Variants in DMBT1 observed in about 807,000 individuals in gnomAD.
DMBT1 encodes the protein scavenger receptor cysteine-rich domain-containing protein DMBT1.
Under a neutral mutation model 252.9 loss-of-function variants are expected in DMBT1, and 198 were observed. The observed-to-expected ratio is 0.78, with a 90% CI of 0.70 to 0.88. The LOEUF (loss-of-function observed/expected upper bound fraction) is 0.88, where lower values mean the gene tolerates loss of function less well. Ranked by LOEUF, DMBT1 falls within the 40% of genes least tolerant of loss-of-function variation. DMBT1 has a pLI of 0.00. For missense variants in DMBT1, 2,432 were observed against 2,404.7 expected, an observed-to-expected ratio of 1.01 and a Z score of -0.24; for synonymous variants, 990 against 942.7, an observed-to-expected ratio of 1.05 and a Z score of -0.92.
In DMBT1 at chr10:122,560,818, A is replaced by G; in HGVS notation, c.48A>G (p.Gln16=). ...VILEMCLLWG[Q]VLSTGGWIPR... is the part of the protein sequence containing the mutation. ...TTGAAATGTGTCTTTTATGGGGACA[A>G]GTTCTATCTACAGGTATTACGTTTA... Residue 16 remains glutamine (Q), a synonymous_variant, in exon 1 of 56, where the codon CAA becomes CAG. Transcript: ENST00000338354. The G allele has an allele frequency of 6.4e-7, 1 of 1,570,742 alleles. No individual in the cohort carries two copies. Among genetic ancestry groups the G allele is most frequent in the Non-Finnish European group, 8.7e-7 (1 of 1,155,860 alleles).
rs998074839 is a variant in DMBT1, at chr10:122,578,578, G to A, written c.638-140G>A. ...ATGAGTTCCCTGGGCAGGAGACCTG[G>A]GCAGACACATGGGGAGCAAGTGGCC... On this transcript the variant is annotated intron_variant, in intron 8 of 55. Coordinates refer to ENST00000338354, the MANE Select transcript of DMBT1 (RefSeq NM_001377530.1). 3 of 717,742 alleles carry A rather than the reference G, an allele frequency of 4.2e-6. No homozygotes were observed. The African/African-American group carries it at 5.2e-5, about 13-fold the overall frequency. The allele number at this position is 717,742 out of a possible 1,614,324, so 44.5% of individuals were successfully genotyped here.
At chr10:122,565,375 T>C (rs1469514639) in intron 1 of DMBT1, among the ~76,000 whole-genome samples, 3 of 152,158 alleles carry the variant, frequency 2.0e-5, no homozygotes, top group Non-Finnish European at 4.4e-5. Flanking sequence ...TATATAAAAG[T>C]TGTTAAATAT....
At chr10:122,564,867 A>T (rs899052629) in intron 1 of DMBT1, among the ~76,000 whole-genome samples, 2 of 152,182 alleles carry the variant, frequency 1.3e-5, no homozygotes, top group Admixed American at 6.5e-5. Context: ...CTGGAGTGCT[A>T]TATCTTGTCT....
At chr10:122,567,910 A>C (rs901841547) in intron 2 of DMBT1, among the ~76,000 whole-genome samples, 1 of 152,224 alleles carries the variant, frequency 6.6e-6, no homozygotes, top group African/African-American at 2.4e-5. Context: ...TGTACTTTCT[A>C]AAGATAAAAC....
intron 16 of DMBT1, among the ~76,000 whole-genome samples, chr10:122,587,267 C>T (rs2133572841): frequency 6.7e-6 from 1 of 148,420 alleles, no homozygotes; most frequent in South Asian, 2.3e-4. Context: ...ACCAAGGGCT[C>T]ATGCTGGGAA....
In DMBT1 at chr10:122,591,476, C is replaced by T. The variant is rs2097848541; in HGVS notation, c.2138-3C>T. The T allele has an allele frequency of 1.9e-6, 3 of 1,586,910 alleles. 1 individual carries two copies. Among genetic ancestry groups the T allele is most frequent in the Non-Finnish European group, 2.6e-6 (3 of 1,164,650 alleles). On this transcript the variant is annotated splice_polypyrimidine_tract_variant and splice_region_variant and intron_variant, in intron 18 of 55. Coordinates refer to ENST00000338354, the MANE Select transcript of DMBT1 (RefSeq NM_001377530.1). ...TAGCCTTTGTCTTTGTTGCAATTTA[C>T]AGACACGTTGTCGACCATCACGTTA...
At chr10:122,577,954 C>G (rs2097727631) in intron 8 of DMBT1, 114 bp downstream of exon 8, 1 of 1,178,800 alleles carries the variant, frequency 8.5e-7, no homozygotes. Flanking sequence ...CATATTATTT[C>G]ACCCCCAACT....
chr10:122,634,065 G>A (rs982403091), intron 52 of DMBT1, among the ~76,000 whole-genome samples: 11 of 152,188 alleles, frequency 7.2e-5, no homozygotes, highest in Admixed American at 6.5e-4. Context: ...AGAGCCCTGG[G>A]AGTTGAAGGT....
At chr10:122,619,148 G>A (rs1401585674) in intron 41 of DMBT1, among the ~76,000 whole-genome samples, 160 bp from the exon 42 acceptor site, 1 of 152,196 alleles carries the variant, frequency 6.6e-6, no homozygotes, top group African/African-American at 2.4e-5. Flanking sequence ...CCCTTATATG[G>A]TGCATCTCTG....
chr10:122,599,044 G>A lies in DMBT1; in HGVS notation c.3227G>A (p.Gly1076Asp). The A allele has an allele frequency of 6.2e-7, 1 of 1,613,814 alleles. No homozygotes were observed. Among genetic ancestry groups the A allele is most frequent in the South Asian group, 1.1e-5 (1 of 91,074 alleles). The change falls in exon 26 of 56, where the codon GGC becomes GAC. Residue 1076 changes from glycine (G) to aspartate (D), a missense_variant. Gly to Asp is a moderately conservative substitution (Grantham distance 94, BLOSUM62 -1). Coordinates refer to ENST00000338354, the MANE Select transcript of DMBT1 (RefSeq NM_001377530.1). ...ESYLWSCPHN[G>D]WLSHNCGHSE... ...TACCTGTGGAGCTGCCCCCACAATG[G>A]CTGGCTCTCCCACAACTGTGGCCAT...
chr10:122,597,955 G>C lies in DMBT1; in HGVS notation c.2918-19G>C, dbSNP rs376492363. 5.6e-6 allele frequency: 9 copies of C among 1,613,698 alleles called. No homozygotes were observed. Among genetic ancestry groups the C allele is most frequent in the Non-Finnish European group, 7.6e-6 (9 of 1,179,804 alleles). ...ACCATCAACTTTAATTCTAGCCTTT[G>C]TCTCTGTTGCAATTACAGACACATT... is the stretch of plus-strand genomic sequence containing the variant. On this transcript the variant is annotated intron_variant, in intron 24 of 55. Transcript: ENST00000338354.
At chr10:122,563,535 C>T (rs1031704019) in intron 1 of DMBT1, among the ~76,000 whole-genome samples, 1 of 149,730 alleles carries the variant, frequency 6.7e-6, no homozygotes, top group Non-Finnish European at 1.5e-5. Context: ...TGCCGTGAGC[C>T]GAGATTGTGC....
At position 122,631,192 on chromosome 10, in the gene DMBT1, G is replaced by T. The variant is rs747800707; in HGVS notation, c.6257G>T (p.Gly2086Val). 6.2e-7 allele frequency: 1 copy of T among 1,613,978 alleles called. No individual in the cohort carries two copies. The highest frequency in any genetic ancestry group is 2.2e-5 in the East Asian group (1 of 44,858). Residue 2086 changes from glycine to valine, a missense_variant, in exon 49 of 56, where the codon GGG becomes GTG. This residue lies in a region of DMBT1 where 1,162 missense variants were observed against 1,169.0 expected (regional missense o/e 0.99). Coordinates refer to ENST00000338354, the MANE Select transcript of DMBT1 (RefSeq NM_001377530.1). ...ACCCTGGACGATGTAGAGTGCTCAG[G>T]GACGGAATCCACTCTCTGGCAGTGC... ...PITLDDVECS[G>V]TESTLWQCRN...
At position 122,576,734 on chromosome 10, in the gene DMBT1, G is replaced by C. The variant is rs751470432; in HGVS notation, c.607+12G>C. On this transcript the variant is annotated intron_variant, in intron 7 of 55. Transcript: ENST00000338354. Reference sequence around the variant, plus strand: ...TGTTATCTGCTCAGGTAGGCATCCAGATCTCTGGAGGGTTGGGTGTGGTGG... The same window carrying C: ...TGTTATCTGCTCAGGTAGGCATCCACATCTCTGGAGGGTTGGGTGTGGTGG... 9 of 1,613,656 alleles carry C rather than the reference G, an allele frequency of 5.6e-6. No individual in the cohort carries two copies. Among genetic ancestry groups the C allele is most frequent in the Admixed American group, 1.7e-5 (1 of 60,006 alleles).
Position 122,631,067 on chromosome 10 carries a change from G to C in DMBT1, c.6132G>C (p.Trp2044Cys). The C allele has an allele frequency of 6.2e-7, 1 of 1,613,942 alleles. No individual in the cohort carries two copies. The highest frequency in any genetic ancestry group is 8.5e-7 in the Non-Finnish European group (1 of 1,179,886). Residue 2044 changes from tryptophan to cysteine, a missense_variant, in exon 49 of 56, where the codon TGG (tryptophan) becomes TGC (cysteine). By Grantham distance (215) the Trp-to-Cys change is radical. Coordinates refer to ENST00000338354, the MANE Select transcript of DMBT1 (RefSeq NM_001377530.1). The part of the protein sequence containing the change: ...GTWGTVCDDS[W>C]TIQEAEVVCR... ...GGGGGACAGTTTGTGATGACTCCTGGACCATTCAGGAAGCTGAGGTGGTCT... is the reference window on the plus strand; with the variant it reads ...GGGGGACAGTTTGTGATGACTCCTGCACCATTCAGGAAGCTGAGGTGGTCT...
Position 122,586,284 on chromosome 10 carries a change from C to G in DMBT1, c.1684C>G (p.Arg562Gly), listed in dbSNP as rs370276232. 3 of 1,588,624 alleles carry G rather than the reference C, an allele frequency of 1.9e-6. No individual in the cohort carries two copies. The highest frequency in any genetic ancestry group is 2.6e-6 in the Non-Finnish European group (3 of 1,165,836). Residue 562 changes from arginine (R) to glycine (G), a missense_variant, in exon 16 of 56, where the codon CGC (arginine) becomes GGC (glycine). Transcript: ENST00000338354. ...AGGACCCATTGTCCTGGATGACGTG[C>G]GCTGCTCAGGGAATGAGTCCTACTT... is the stretch of plus-strand genomic sequence containing the variant. ...GSGPIVLDDV[R>G]CSGNESYLWS...
At position 122,599,361 on chromosome 10, in the gene DMBT1, T is replaced by C. The variant is rs566450370; in HGVS notation, c.3280+264T>C. On this transcript the variant is annotated intron_variant, in intron 26 of 55. Coordinates refer to ENST00000338354, the MANE Select transcript of DMBT1 (RefSeq NM_001377530.1). ...AGGAAGAGGCAGAAGAGAAAAGTGC[T>C]GGCTCCCCAGGGCTCCATTTCTCCC... Among the ~76,000 whole-genome samples the C allele has an allele frequency of 1.3e-4, 20 of 152,284 alleles. No homozygotes were observed. In the East Asian group the frequency reaches 2.9e-3, roughly 22 times the overall value.
intron 44 of DMBT1, among the ~76,000 whole-genome samples, chr10:122,622,955 C>T (rs74916627): frequency 0.015 from 2,345 of 152,240 alleles, 76 homozygotes; most frequent in South Asian, 0.14. Context: ...GGAACCTTCC[C>T]TCTCCCTGGC....
In DMBT1 at chr10:122,617,402, G is replaced by A. The variant is rs191672986; in HGVS notation, c.4891+142G>A. On this transcript the variant is annotated intron_variant, in intron 40 of 55. Transcript: ENST00000338354. ...GGTGGGAGGAAGGTGGAGTTTCTAG[G>A]GAGTCAGCCCTGGGTTTGATGTTTG... 401 of 1,083,626 alleles carry A rather than the reference G, an allele frequency of 3.7e-4. 3 individuals carry two copies. The highest frequency in any genetic ancestry group is 2.2e-4 in the African/African-American group (14 of 62,338). The allele number at this position is 1,083,626 out of a possible 1,614,324, so 67.1% of individuals were successfully genotyped here.
Sources: gnomAD v4.1 joint callset for allele counts (sites outside exome capture counted in the v4.1 genomes callset) on GRCh38, gnomAD v4.1.1 for gene constraint, gnomAD v4.1.1 regional missense constraint, MANE v1.5 for transcripts, NCBI Gene and HGNC (gene_info 2026-07-23, HGNC 2026-07-21) for gene names.